PHACTR2: variants seen among roughly 807,000 people sequenced by gnomAD.
PHACTR2 encodes phosphatase and actin regulator 2.
In PHACTR2, 30 loss-of-function variants were observed where a neutral mutation model predicts 76.0. The ratio of observed to expected loss-of-function variants is 0.39; its 90% confidence interval spans 0.30 to 0.54. The LOEUF is 0.54. Ranked by LOEUF, PHACTR2 falls within the 20% of genes least tolerant of loss-of-function variation. The pLI, the probability that PHACTR2 is intolerant of heterozygous loss-of-function variation, is 0.61. For synonymous variants in PHACTR2, 292 were observed against 292.5 expected (o/e 1.00, Z 0.02); for missense variants, 696 against 781.1 (o/e 0.89, Z 1.30).
At position 143,823,635 on chromosome 6, in the gene PHACTR2, C is replaced by T. The variant is rs1394490450; in HGVS notation, c.1923-39C>T. On this transcript the variant is annotated intron_variant, in intron 12 of 12. Coordinates refer to ENST00000440869, the MANE Select transcript of PHACTR2 (RefSeq NM_001100164.2). This position sits in a 1 kb window ranked among gnomAD's most constrained non-coding sequence, Gnocchi z 5.7. ...CAGCTCACTGCATGCAGAATGTGCTCCTAGGCCACAGGCTTATAGTTTCTA... is the reference window on the plus strand; with the variant it reads ...CAGCTCACTGCATGCAGAATGTGCTTCTAGGCCACAGGCTTATAGTTTCTA... The T allele has an allele frequency of 3.8e-6, 6 of 1,587,648 alleles. No individual in the cohort carries two copies. Among genetic ancestry groups the T allele is most frequent in the Admixed American group, 3.3e-5 (2 of 59,900 alleles).
In PHACTR2 at chr6:143,599,821, T is replaced by C. The variant is rs1205634424; in HGVS notation, c.217+62614T>C. Among the ~76,000 whole-genome samples the C allele has an allele frequency of 6.6e-6, 1 of 152,232 alleles. No individual in the cohort carries two copies. The highest frequency in any genetic ancestry group is 2.4e-5 in the African/African-American group (1 of 41,456). Reference sequence around the variant, plus strand: ...TTGAGAGGTCAGCAGGCCATTCTGCTGACTTGGGCCCAAATGCTTTCAGGA... The same window carrying C: ...TTGAGAGGTCAGCAGGCCATTCTGCCGACTTGGGCCCAAATGCTTTCAGGA... On this transcript the variant is annotated intron_variant, in intron 1 of 11. Transcript: ENST00000367584. This position sits in a 1 kb window ranked among gnomAD's most constrained non-coding sequence, Gnocchi z 4.6.
rs1447884602 is a variant in PHACTR2 at position 143,688,948 on chromosome 6, C to G, written c.46+10739C>G. Among the ~76,000 whole-genome samples, 1 of 152,234 alleles carries G rather than the reference C, an allele frequency of 6.6e-6. No individual in the cohort carries two copies. Among genetic ancestry groups the G allele is most frequent in the Non-Finnish European group, 1.5e-5 (1 of 68,036 alleles). ...ATTGCATAGTATGGCCCTCGAGGCTCTACATGAGCCTATATGATCCCTGCC... is the reference window on the plus strand; with the variant it reads ...ATTGCATAGTATGGCCCTCGAGGCTGTACATGAGCCTATATGATCCCTGCC... On this transcript the variant is annotated intron_variant, in intron 1 of 12. Transcript: ENST00000440869. This position sits in a 1 kb window ranked among gnomAD's most constrained non-coding sequence, Gnocchi z 5.2.
intron 1 of PHACTR2, among the ~76,000 whole-genome samples, chr6:143,682,505 C>T (rs1031789295): frequency 1.1e-4 from 16 of 149,422 alleles, no homozygotes; most frequent in African/African-American, 3.9e-4. Flanking sequence ...CATGAGCCAC[C>T]ATGCCTGGCC....
rs926342934 is a variant in PHACTR2, at chr6:143,554,018, G to A, written c.217+16811G>A. Among the ~76,000 whole-genome samples the A allele has an allele frequency of 3.9e-5, 6 of 152,168 alleles. No individual in the cohort carries two copies. The highest frequency in any genetic ancestry group is 8.8e-5 in the Non-Finnish European group (6 of 68,034). On this transcript the variant is annotated intron_variant, in intron 1 of 11. Coordinates refer to the PHACTR2 transcript ENST00000367584. This position sits in a 1 kb window ranked among gnomAD's most constrained non-coding sequence, Gnocchi z 5.9. ...GGCCCCTGTAGACCACCGCAATGAC[G>A]TTGACATTTTCTCTGAGTGAGACTG...
chr6:143,759,807 C>T (rs145968566), intron 4 of PHACTR2, among the ~76,000 whole-genome samples: 287 of 152,104 alleles, frequency 1.9e-3, no homozygotes, highest in Middle Eastern at 0.014. Flanking sequence ...CATTCTAAAG[C>T]GCATTGTTGC....
rs577664819 is a variant in PHACTR2, at chr6:143,816,935, G to A, written c.1923-6739G>A. ...ACAAAAATTAGCCAAGTGTGGTGGC[G>A]AGTGCCTGTATTCCCAGCTACTTGG... On this transcript the variant is annotated intron_variant, in intron 12 of 12. Coordinates refer to ENST00000440869, the MANE Select transcript of PHACTR2 (RefSeq NM_001100164.2). This position sits in a 1 kb window ranked among gnomAD's most constrained non-coding sequence, Gnocchi z 4.5. Among the ~76,000 whole-genome samples the A allele has an allele frequency of 9.9e-5, 15 of 152,052 alleles. 1 individual carries two copies. The South Asian group carries it at 2.9e-3, about 30-fold the overall frequency.
chr6:143,663,385 T>C lies in PHACTR2; in HGVS notation c.14-48631T>C, dbSNP rs989102037. Among the ~76,000 whole-genome samples the C allele has an allele frequency of 1.3e-5, 2 of 152,016 alleles. No individual in the cohort carries two copies. The highest frequency in any genetic ancestry group is 2.9e-5 in the Non-Finnish European group (2 of 68,036). ...TGAATATCCCAAAGCATTGAATCAC[T>C]TCTCTTGATTTTAAGATTCTGTTTC... is the stretch of plus-strand genomic sequence containing the variant. On this transcript the variant is annotated intron_variant, in intron 1 of 11. Coordinates refer to the PHACTR2 transcript ENST00000305766. This position sits in a 1 kb window ranked among gnomAD's most constrained non-coding sequence, Gnocchi z 4.1.
chr6:143,539,261 A>G lies in PHACTR2; in HGVS notation c.217+2054A>G, dbSNP rs879917170. ...CGGATGCTAGGAAGTGAAACCTTTC[A>G]GCTCAGTTGTCCCATGTGCCGCAGG... On this transcript the variant is annotated intron_variant, in intron 1 of 11. Coordinates refer to the PHACTR2 transcript ENST00000367584. This position sits in a 1 kb window ranked among gnomAD's most constrained non-coding sequence, Gnocchi z 4.3. 6.6e-6 allele frequency among the ~76,000 whole-genome samples: 1 copy of G among 152,230 alleles called. No homozygotes were observed. The highest frequency in any genetic ancestry group is 2.4e-5 in the African/African-American group (1 of 41,468).
rs143322302 is a variant in PHACTR2, at chr6:143,750,584, A to G, written c.295+1519A>G. Among the ~76,000 whole-genome samples, 145 of 152,356 alleles carry G rather than the reference A, an allele frequency of 9.5e-4. No homozygotes were observed. The highest frequency in any genetic ancestry group is 3.3e-3 in the African/African-American group (139 of 41,602). On this transcript the variant is annotated intron_variant, in intron 3 of 12. Coordinates refer to ENST00000440869, the MANE Select transcript of PHACTR2 (RefSeq NM_001100164.2). This position sits in a 1 kb window ranked among gnomAD's most constrained non-coding sequence, Gnocchi z 4.6. ...GTTTAAATGTGAAGATTAAAAGCCC[A>G]TCTTTTTTTCCTAATTAAAATTTGT...
intron 2 of PHACTR2, among the ~76,000 whole-genome samples, chr6:143,734,290 T>C (rs1778770169): frequency 6.6e-6 from 1 of 151,984 alleles, no homozygotes; most frequent in Non-Finnish European, 1.5e-5. Flanking sequence ...AGGTCCTACC[T>C]CTTACAGATC....
chr6:143,824,372 A>G lies in PHACTR2; in HGVS notation c.*683A>G, dbSNP rs1776492696. On this transcript the variant is annotated 3_prime_UTR_variant, in exon 13 of 13. Transcript: ENST00000440869. This position sits in a 1 kb window ranked among gnomAD's most constrained non-coding sequence, Gnocchi z 6.3. ...CTTTTTCTTAAATGCAAGAGCTTCT[A>G]CTGACTCTTAACAAGCATGCTTACC... The G allele has an allele frequency of 6.6e-6, 1 of 152,658 alleles. No homozygotes were observed. The highest frequency in any genetic ancestry group is 1.5e-5 in the Non-Finnish European group (1 of 68,068). The allele number at this position is 152,658 out of a possible 1,614,324, so 9.5% of individuals were successfully genotyped here.
chr6:143,678,279 G>C lies in PHACTR2; in HGVS notation c.46+70G>C. The C allele has an allele frequency of 7.3e-7, 1 of 1,361,560 alleles. No individual in the cohort carries two copies. Among genetic ancestry groups the C allele is most frequent in the South Asian group, 1.7e-5 (1 of 59,120 alleles). 84.3% of individuals were successfully genotyped at this position (1,361,560 alleles called of 1,614,324 possible). ...GGGCTGGCGGCGGGGCCCCGGGGCA[G>C]GCAGGGTTAGTCGTCTGGTCGGGTT... On this transcript the variant is annotated intron_variant, in intron 1 of 12. Transcript: ENST00000440869. The surrounding 1 kb of genome is among the most constrained non-coding windows in gnomAD (Gnocchi z 6.2).
Position 143,698,749 on chromosome 6 carries a change from A to G in PHACTR2, c.47-13267A>G, listed in dbSNP as rs1156815120. On this transcript the variant is annotated intron_variant, in intron 1 of 12. Transcript: ENST00000440869. The surrounding 1 kb of genome is among the most constrained non-coding windows in gnomAD (Gnocchi z 4.3). ...CATGGCCTGCAAGCCTCCTAAGGGC[A>G]GAGATCTGATCTGTTTTTGCTTACC... 6.6e-6 allele frequency among the ~76,000 whole-genome samples: 1 copy of G among 152,206 alleles called. No individual in the cohort carries two copies. Among genetic ancestry groups the G allele is most frequent in the African/African-American group, 2.4e-5 (1 of 41,450 alleles).
In PHACTR2 at chr6:143,558,177, A is replaced by G. The variant is rs1227732055; in HGVS notation, c.217+20970A>G. ...ATAAGAAACACTGCACAATCAAAAT[A>G]TATGGACTTTGTTTGAATTCTTATT... is the stretch of plus-strand genomic sequence containing the variant. On this transcript the variant is annotated intron_variant, in intron 1 of 11. Transcript: ENST00000367584. The surrounding 1 kb of genome is among the most constrained non-coding windows in gnomAD (Gnocchi z 4.7). 6 of 152,152 alleles carry G rather than the reference A, an allele frequency of 3.9e-5. No individual in the cohort carries two copies. The highest frequency in any genetic ancestry group is 7.3e-5 in the Non-Finnish European group (5 of 68,034). The allele number at this position is 152,152 out of a possible 1,614,324, so 9.4% of individuals were successfully genotyped here.
chr6:143,717,695 C>T (rs1156914738), intron 2 of PHACTR2, among the ~76,000 whole-genome samples: 1 of 151,978 alleles, frequency 6.6e-6, no homozygotes, highest in Non-Finnish European at 1.5e-5. Context: ...ACCTGAGCCT[C>T]CCAAATAGCC....
At chr6:143,718,987 A>G (rs140076117) in intron 2 of PHACTR2, among the ~76,000 whole-genome samples, 1,791 of 148,188 alleles carry the variant, frequency 0.012, 30 homozygotes, top group African/African-American at 0.042. Context: ...AGTTCAAGTG[A>G]TTCTCCTGCC....
At chr6:143,645,395 A>G (rs1394630874) in intron 1 of PHACTR2, among the ~76,000 whole-genome samples, 1 of 152,130 alleles carries the variant, frequency 6.6e-6, no homozygotes, top group African/African-American at 2.4e-5. Context: ...TTTGGAGACT[A>G]TTATTCTAAG....
At position 143,639,487 on chromosome 6, in the gene PHACTR2, G is replaced by GT. The variant is rs552616848; in HGVS notation, c.13+31166dup. Among the ~76,000 whole-genome samples the GT allele has an allele frequency of 8.5e-5, 13 of 152,238 alleles. No homozygotes were observed. In the East Asian group the frequency reaches 2.3e-3, roughly 27 times the overall value. On this transcript the variant is annotated intron_variant, in intron 1 of 11. Coordinates refer to the PHACTR2 transcript ENST00000305766. The surrounding 1 kb of genome is among the most constrained non-coding windows in gnomAD (Gnocchi z 5.0). Reference sequence around the variant, plus strand: ...ATTCACACTTTTGTTTTCTGCTTATGTAGATCACCTATTTTTACTTTTGGC... The same window carrying GT: ...ATTCACACTTTTGTTTTCTGCTTATGTTAGATCACCTATTTTTACTTTTGGC...
chr6:143,627,400 T>A lies in PHACTR2; in HGVS notation c.13+19078T>A, dbSNP rs538736818. Among the ~76,000 whole-genome samples the A allele has an allele frequency of 6.6e-6, 1 of 152,364 alleles. No homozygotes were observed. The highest frequency in any genetic ancestry group is 6.5e-5 in the Admixed American group (1 of 15,312). On this transcript the variant is annotated intron_variant, in intron 1 of 11. Coordinates refer to the PHACTR2 transcript ENST00000305766. The surrounding 1 kb of genome is among the most constrained non-coding windows in gnomAD (Gnocchi z 4.3). ...TGTGGAACACAGATATTTTATACCA[T>A]TTAATTTCATAAATATTTATTGAGT... is the stretch of plus-strand genomic sequence containing the variant.
Sources: allele counts gnomAD v4.1 joint callset (sites outside exome capture counted in the v4.1 genomes callset), GRCh38; gene constraint gnomAD v4.1.1; non-coding constraint Gnocchi (gnomAD v3.1); transcripts MANE v1.5; gene names NCBI Gene and HGNC (gene_info 2026-07-23, HGNC 2026-07-21).